The following TANC1 variants were observed in gnomAD, a reference collection of about 807,000 sequenced individuals.
TANC1 encodes the protein protein TANC1.
In TANC1, 77 loss-of-function variants were observed where a neutral mutation model predicts 149.7. That is an observed-to-expected ratio of 0.51 (90% CI 0.43 to 0.62). TANC1 has a LOEUF of 0.62. TANC1 is among the 20% of genes least tolerant of loss of function. The pLI is 0.00. For synonymous variants in TANC1, 854 were observed against 925.0 expected, an observed-to-expected ratio of 0.92 and a Z score of 1.39; for missense variants, 1,985 against 2,321.8, an observed-to-expected ratio of 0.85 and a Z score of 2.98.
At chr2:159,185,980 C>A in intron 15 of TANC1, 81 bp downstream of exon 15, 2 of 1,077,192 alleles carry the variant, frequency 1.9e-6, no homozygotes, top group Non-Finnish European at 2.8e-6. Flanking sequence ...ACAGCTCTGT[C>A]AGCCATCCAA....
At chr2:158,998,734 G>A (rs910520764) in intron 1 of TANC1, among the ~76,000 whole-genome samples, 1 of 152,190 alleles carries the variant, frequency 6.6e-6, no homozygotes, top group Non-Finnish European at 1.5e-5. Flanking sequence ...TAAGGATGGC[G>A]AGAAGGGATG....
At chr2:159,129,350 C>G (rs1419420542) in intron 4 of TANC1, among the ~76,000 whole-genome samples, 2 of 152,230 alleles carry the variant, frequency 1.3e-5, no homozygotes, top group African/African-American at 4.8e-5. Context: ...GCAAAATAGT[C>G]AGCTGTGTGA....
chr2:159,057,509 C>G (rs905305580), intron 2 of TANC1, among the ~76,000 whole-genome samples: 1 of 152,230 alleles, frequency 6.6e-6, no homozygotes, highest in Non-Finnish European at 1.5e-5. Flanking sequence ...AACCCAATTT[C>G]TGCCACTTGC....
chr2:159,102,109 G>A (rs974250268), intron 4 of TANC1, among the ~76,000 whole-genome samples: 6 of 152,012 alleles, frequency 3.9e-5, no homozygotes, highest in African/African-American at 7.2e-5. Context: ...TAATGTCTGC[G>A]AAGGCACTCC....
intron 1 of TANC1, among the ~76,000 whole-genome samples, chr2:158,978,888 C>T (rs776539914): frequency 6.6e-6 from 1 of 152,116 alleles, no homozygotes; most frequent in Non-Finnish European, 1.5e-5. Flanking sequence ...GTGTTTTGAA[C>T]ATTATAAATT....
chr2:159,177,175 G>A (rs1315942504), intron 13 of TANC1, among the ~76,000 whole-genome samples: 2 of 152,148 alleles, frequency 1.3e-5, no homozygotes, highest in African/African-American at 4.8e-5. Flanking sequence ...CTCCCAAAGT[G>A]CTGGGATTAC....
intron 10 of TANC1, among the ~76,000 whole-genome samples, 170 bp from the exon 11 acceptor site, chr2:159,171,951 G>C (rs1185683760): frequency 2.0e-5 from 3 of 152,086 alleles, no homozygotes; most frequent in Non-Finnish European, 4.4e-5. Context: ...AGGGGAACCA[G>C]TTGGGTGGCA....
chr2:159,097,938 C>A, intron 4 of TANC1, 104 bp downstream of exon 4: 11 of 969,942 alleles, frequency 1.1e-5, no homozygotes, highest in African/African-American at 1.6e-5. Context: ...AATGTTTTTT[C>A]TTTGTCGCAG....
rs1359141282 is a variant in TANC1 at position 159,179,059 on chromosome 2, C to T, written c.2406C>T (p.Leu802=). The change falls in exon 14 of 27, where the codon CTC becomes CTT. Residue 802 remains leucine (L), a synonymous_variant. Coordinates refer to ENST00000263635, the MANE Select transcript of TANC1 (RefSeq NM_033394.3). ...GGATGGACGCCCTCTCCTGCTTCCT[C>T]ATTAAGAGGCGAGACAAAACCCGCA... ...QQRMDALSCF[L]IKRRDKTRMF... is the part of the protein sequence containing the mutation. 2 of 1,613,996 alleles carry T rather than the reference C, an allele frequency of 1.2e-6. No homozygotes were observed. The highest frequency in any genetic ancestry group is 1.1e-5 in the South Asian group (1 of 91,070).
intron 4 of TANC1, among the ~76,000 whole-genome samples, chr2:159,100,555 G>A (rs1303980017): frequency 6.6e-6 from 1 of 152,198 alleles, no homozygotes; most frequent in Non-Finnish European, 1.5e-5. Flanking sequence ...GTGGATTTGG[G>A]ATGTTCTCTC....
At chr2:159,151,773 G>A (rs1210759622) in intron 7 of TANC1, among the ~76,000 whole-genome samples, 1 of 152,120 alleles carries the variant, frequency 6.6e-6, no homozygotes, top group Non-Finnish European at 1.5e-5. Flanking sequence ...GCGGCTTCTT[G>A]CCATAATTTT....
At chr2:159,108,656 G>A (rs773461845) in intron 4 of TANC1, among the ~76,000 whole-genome samples, 9 of 152,188 alleles carry the variant, frequency 5.9e-5, no homozygotes, top group African/African-American at 9.7e-5. Context: ...ATTCCAGCTC[G>A]ACTCATCAGG....
chr2:159,088,282 T>A (rs1277641012), intron 3 of TANC1, among the ~76,000 whole-genome samples: 2 of 152,190 alleles, frequency 1.3e-5, no homozygotes, highest in Admixed American at 6.5e-5. Context: ...ATAATTTTTC[T>A]TAGGTTTTTA....
chr2:159,110,629 A>G (rs1205975236), intron 4 of TANC1, among the ~76,000 whole-genome samples: 5 of 152,210 alleles, frequency 3.3e-5, no homozygotes, highest in East Asian at 1.9e-4. Flanking sequence ...GTGGTATGTG[A>G]AAAGTAGCAG....
At chr2:158,988,987 GT>G (rs1247213331) in intron 1 of TANC1, among the ~76,000 whole-genome samples, 4 of 152,146 alleles carry the variant, frequency 2.6e-5, no homozygotes, top group African/African-American at 9.7e-5. Context: ...CCAAAGGTCA[GT>G]TTTAATGAGT....
At chr2:158,981,528 T>TAC (rs1166944229) in intron 1 of TANC1, among the ~76,000 whole-genome samples, 57 of 114,526 alleles carry the variant, frequency 5.0e-4, no homozygotes, top group African/African-American at 1.7e-3. Flanking sequence ...TATATATATA[T>TAC]ATATATATAT....
At chr2:159,185,715 G>T in intron 14 of TANC1, 76 bp from the exon 15 acceptor site, 1 of 930,976 alleles carries the variant, frequency 1.1e-6, no homozygotes, top group African/African-American at 1.6e-5. Context: ...AAGGCAATGG[G>T]TGGTGAATTG....
chr2:159,042,326 T>G (rs1050858496), intron 2 of TANC1, among the ~76,000 whole-genome samples: 2 of 152,172 alleles, frequency 1.3e-5, no homozygotes, highest in African/African-American at 4.8e-5. Flanking sequence ...CAGGATTGAC[T>G]TGGGCAGGAG....
At chr2:159,220,276 C>CTT (rs201091730) in intron 22 of TANC1, among the ~76,000 whole-genome samples, 29 of 143,608 alleles carry the variant, frequency 2.0e-4, no homozygotes, top group South Asian at 6.7e-4. Context: ...TACCTGGTTG[C>CTT]TTTTTTTTTT....
Sources: allele counts gnomAD v4.1 joint callset (sites outside exome capture counted in the v4.1 genomes callset), GRCh38; gene constraint gnomAD v4.1.1; transcripts MANE v1.5; gene names NCBI Gene and HGNC (gene_info 2026-07-23, HGNC 2026-07-21).